The following ATAD2B variants were observed in gnomAD, a reference collection of about 807,000 sequenced individuals.
The protein encoded by ATAD2B is ATPase family AAA domain containing 2B.
In ATAD2B, 40 loss-of-function variants were observed where a neutral mutation model predicts 167.6. That is an observed-to-expected ratio of 0.24 (90% CI 0.19 to 0.31). ATAD2B has a LOEUF of 0.31. ATAD2B is among the 10% of genes least tolerant of loss of function. ATAD2B has a pLI of 1.00. For synonymous variants in ATAD2B, 579 were observed against 596.5 expected (o/e 0.97, Z 0.43); for missense variants, 1,242 against 1,757.2 (o/e 0.71, Z 5.24).
At chr2:23,721,824 G>A in the ATAD2B span, among the ~76,000 whole-genome samples, 1 of 152,234 alleles carries the variant, frequency 6.6e-6, no homozygotes, top group South Asian at 2.1e-4. Context: ...CCAGCCAAGT[G>A]ACCAACACAG....
chr2:23,766,021 AT>A (rs1482474718), intron 22 of ATAD2B, among the ~76,000 whole-genome samples: 1 of 152,234 alleles, frequency 6.6e-6, no homozygotes, highest in African/African-American at 2.4e-5. Flanking sequence ...ATTCAAAAAA[AT>A]CTTAAATTTC....
chr2:23,730,199 T>C, the ATAD2B span, among the ~76,000 whole-genome samples: 3 of 152,266 alleles, frequency 2.0e-5, no homozygotes, highest in Admixed American at 6.5e-5. Flanking sequence ...TGAATTAAAA[T>C]AATACATAGT....
intron 16 of ATAD2B, among the ~76,000 whole-genome samples, chr2:23,821,871 C>G (rs533253805): frequency 6.6e-6 from 1 of 152,202 alleles, no homozygotes; most frequent in Non-Finnish European, 1.5e-5. Flanking sequence ...CCAGGCTGGT[C>G]TTGAACTCCT....
chr2:23,687,051 C>G, the ATAD2B span, among the ~76,000 whole-genome samples: 5 of 152,134 alleles, frequency 3.3e-5, no homozygotes, highest in Non-Finnish European at 5.9e-5. Context: ...CTTTTCAGTC[C>G]CCTTGGCATC....
At chr2:23,923,330 G>C (rs952502172) in intron 1 of ATAD2B, among the ~76,000 whole-genome samples, 1 of 152,154 alleles carries the variant, frequency 6.6e-6, no homozygotes, top group Non-Finnish European at 1.5e-5. Context: ...GAAGCAGAGA[G>C]TAGAAGGGTG....
At chr2:23,741,289 C>G in the ATAD2B span, among the ~76,000 whole-genome samples, 1 of 152,202 alleles carries the variant, frequency 6.6e-6, no homozygotes, top group Non-Finnish European at 1.5e-5. Context: ...ATCATGCTAC[C>G]TGACTTCAAA....
the ATAD2B span, among the ~76,000 whole-genome samples, chr2:23,719,238 G>A: frequency 6.6e-6 from 1 of 152,126 alleles, no homozygotes; most frequent in Non-Finnish European, 1.5e-5. Context: ...TCCCAAGACT[G>A]TAACAGGGCC....
intron 17 of ATAD2B, among the ~76,000 whole-genome samples, chr2:23,810,723 T>C (rs1177266923): frequency 6.6e-6 from 1 of 152,106 alleles, no homozygotes; most frequent in African/African-American, 2.4e-5. Context: ...TAAAATCCAC[T>C]TTAAGGGCCA....
intron 2 of ATAD2B, among the ~76,000 whole-genome samples, chr2:23,890,865 T>C (rs1699374306): frequency 6.6e-6 from 1 of 152,212 alleles, no homozygotes; most frequent in Non-Finnish European, 1.5e-5. Flanking sequence ...ATGAAAGATC[T>C]GTTTTAAGAA....
chr2:23,906,929 A>G (rs1701590680), intron 1 of ATAD2B, among the ~76,000 whole-genome samples: 1 of 151,242 alleles, frequency 6.6e-6, no homozygotes, highest in East Asian at 1.9e-4. Flanking sequence ...CCTTCATGCT[A>G]AAAACTCTCA....
chr2:23,818,362 CAAAAAAAAAAAAAAA>C, intron 17 of ATAD2B, among the ~76,000 whole-genome samples: 1 of 99,296 alleles, frequency 1.0e-5, no homozygotes, highest in Middle Eastern at 6.3e-3. Flanking sequence ...AGGTGAAAAG[CAAAAAAAAAAAAAAA>C]AAAAAAAAAA....
chr2:23,760,127 A>T (rs1490139121), intron 24 of ATAD2B, among the ~76,000 whole-genome samples: 1 of 152,260 alleles, frequency 6.6e-6, no homozygotes, highest in African/African-American at 2.4e-5. Context: ...AAGTTACTGC[A>T]GGATAGACCT....
At chr2:23,914,278 T>C (rs572961142) in intron 1 of ATAD2B, among the ~76,000 whole-genome samples, 1 of 152,228 alleles carries the variant, frequency 6.6e-6, no homozygotes, top group East Asian at 1.9e-4. Context: ...TATATGTGTG[T>C]ACAAAGTCAC....
chr2:23,679,464 C>T, the ATAD2B span, among the ~76,000 whole-genome samples: 1 of 152,144 alleles, frequency 6.6e-6, no homozygotes, highest in African/African-American at 2.4e-5. Context: ...TTCTTAAGGC[C>T]GTGACTCACA....
intron 22 of ATAD2B, among the ~76,000 whole-genome samples, chr2:23,779,174 CTTTTTTTTTTTT>C (rs35835747): frequency 3.1e-5 from 3 of 97,398 alleles, no homozygotes; most frequent in African/African-American, 1.1e-4. Context: ...TTTTTCTTTT[CTTTTTTTTTTTT>C]TTTTTTTGAG....
At chr2:23,775,658 CA>C (rs1179380793) in intron 22 of ATAD2B, among the ~76,000 whole-genome samples, 1 of 152,172 alleles carries the variant, frequency 6.6e-6, no homozygotes, top group Non-Finnish European at 1.5e-5. Context: ...ATACATTTGA[CA>C]AGGGTCCTGA....
chr2:23,702,455 T>C, the ATAD2B span, among the ~76,000 whole-genome samples: 1 of 152,146 alleles, frequency 6.6e-6, no homozygotes, highest in South Asian at 2.1e-4. Flanking sequence ...AGTCAAAAAA[T>C]CCTAAGTCGG....
chr2:23,756,155 T>C (rs1675928998), intron 25 of ATAD2B, among the ~76,000 whole-genome samples: 1 of 152,176 alleles, frequency 6.6e-6, no homozygotes, highest in Non-Finnish European at 1.5e-5. Flanking sequence ...TCCCATGCTG[T>C]TATATTCATT....
the ATAD2B span, chr2:23,689,742 G>A: frequency 6.6e-6 from 1 of 152,440 alleles, no homozygotes; most frequent in Non-Finnish European, 1.5e-5. Flanking sequence ...TGAAGTCCCA[G>A]GCAGCAAAGA....
Sources: gnomAD v4.1 joint callset for allele counts (sites outside exome capture counted in the v4.1 genomes callset) on GRCh38, gnomAD v4.1.1 for gene constraint, MANE v1.5 for transcripts, NCBI Gene and HGNC (gene_info 2026-07-23, HGNC 2026-07-21) for gene names.